KATNIP: variants seen among roughly 807,000 people sequenced by gnomAD.
KATNIP encodes the protein katanin-interacting protein.
In KATNIP, 126 loss-of-function variants were observed where a neutral mutation model predicts 174.0. The observed-to-expected ratio is 0.72, with a 90% CI of 0.63 to 0.84. The LOEUF (loss-of-function observed/expected upper bound fraction) is 0.84, where lower values mean the gene tolerates loss of function less well. Among genes scored for constraint, KATNIP ranks in the 40% least tolerant of loss-of-function variants. The pLI is 0.00. For synonymous variants in KATNIP, 810 were observed against 835.7 expected (o/e 0.97, Z 0.53); for missense variants, 1,958 against 2,109.7 (o/e 0.93, Z 1.41).
intron 5 of KATNIP, among the ~76,000 whole-genome samples, chr16:27,641,894 C>T (rs1399061155): frequency 6.6e-6 from 1 of 152,206 alleles, no homozygotes; most frequent in East Asian, 1.9e-4. Flanking sequence ...CCAGGCCGCA[C>T]CCTAGGCCCT....
At chr16:27,751,613 G>A in intron 16 of KATNIP, 106 bp from the exon 17 acceptor site, 1 of 986,060 alleles carries the variant, frequency 1.0e-6, no homozygotes, top group African/African-American at 1.6e-5. Context: ...ACCAGTTAAG[G>A]GTGTGGGGTT....
At chr16:27,626,111 C>T (rs965781480) in intron 3 of KATNIP, among the ~76,000 whole-genome samples, 1 of 152,184 alleles carries the variant, frequency 6.6e-6, no homozygotes, top group African/African-American at 2.4e-5. Context: ...CTGCCCCAGC[C>T]TCCCAAAGTG....
chr16:27,600,426 A>G (rs556122548), intron 2 of KATNIP, among the ~76,000 whole-genome samples: 2 of 152,240 alleles, frequency 1.3e-5, no homozygotes, highest in South Asian at 4.1e-4. Flanking sequence ...CGTTAGCACA[A>G]ACAGGCTTTG....
At chr16:27,732,189 G>A (rs191638314) in intron 14 of KATNIP, among the ~76,000 whole-genome samples, 92 of 152,322 alleles carry the variant, frequency 6.0e-4, no homozygotes, top group African/African-American at 2.0e-3. Flanking sequence ...TCCCATCCAC[G>A]TTTGTCATCC....
rs768073833 is a variant in KATNIP at position 27,568,710 on chromosome 16, G to GC, written c.8-5188dup. ...AATCTCTTGACCTCGTGATCTGCCCGCCCGGGCCTCCCAAAGTGCTGGGAT... is the reference window on the plus strand; with the variant it reads ...AATCTCTTGACCTCGTGATCTGCCCGCCCCGGGCCTCCCAAAGTGCTGGGAT... On this transcript the variant is annotated intron_variant, in intron 1 of 27. Coordinates refer to ENST00000261588, the MANE Select transcript of KATNIP (RefSeq NM_015202.5). Among the ~76,000 whole-genome samples, 108 of 152,136 alleles carry GC rather than the reference G, an allele frequency of 7.1e-4. 1 individual carries two copies. The highest frequency in any genetic ancestry group is 1.3e-3 in the Non-Finnish European group (88 of 67,970).
chr16:27,669,308 T>C, intron 6 of KATNIP: 1 of 985,306 alleles, frequency 1.0e-6, no homozygotes. Flanking sequence ...TCCCTCCACC[T>C]TCTCCCTGGA....
intron 6 of KATNIP, chr16:27,654,694 C>T (rs368137268): frequency 3.2e-4 from 431 of 1,351,836 alleles, no homozygotes; most frequent in Non-Finnish European, 3.9e-4. Flanking sequence ...CTTCAAGCAG[C>T]GTGGACAAAG....
intron 13 of KATNIP, among the ~76,000 whole-genome samples, chr16:27,710,033 C>T (rs1392183126): frequency 6.6e-6 from 1 of 152,152 alleles, no homozygotes; most frequent in African/African-American, 2.4e-5. Context: ...GTGAGGTGCA[C>T]ACTCCACAAA....
At chr16:27,719,206 A>AT (rs1444763652) in intron 13 of KATNIP, among the ~76,000 whole-genome samples, 1 of 152,188 alleles carries the variant, frequency 6.6e-6, no homozygotes, top group African/African-American at 2.4e-5. Flanking sequence ...CAAGGTGGAT[A>AT]TGAAGCAGTA....
rs1223982095 is a variant in KATNIP, at chr16:27,677,921, G to C, written c.733G>C (p.Glu245Gln). The C allele has an allele frequency of 6.2e-7, 1 of 1,614,102 alleles. No individual in the cohort carries two copies. The highest frequency in any genetic ancestry group is 8.5e-7 in the Non-Finnish European group (1 of 1,180,002). ...GDWTQKDVHG[E>Q]QETEGRSSPG... ...CTGGACTCAGAAAGATGTTCACGGG[G>C]AACAGGAGACAGAAGGACGCTCTTC... is the stretch of plus-strand genomic sequence containing the variant. The change falls in exon 7 of 28, where the codon GAA (glutamate) becomes CAA (glutamine). Residue 245 changes from glutamate (E) to glutamine (Q), a missense_variant. Glu to Gln is a conservative substitution (Grantham distance 29). Around this residue, in one of 3 missense-constraint regions of KATNIP, gnomAD observed 1,557 missense variants for 1,617.8 expected, o/e 0.96. Coordinates refer to ENST00000261588, the MANE Select transcript of KATNIP (RefSeq NM_015202.5).
At chr16:27,602,942 CT>C (rs1460656987) in intron 2 of KATNIP, among the ~76,000 whole-genome samples, 3 of 152,206 alleles carry the variant, frequency 2.0e-5, no homozygotes, top group African/African-American at 7.2e-5. Flanking sequence ...CAAAGTGATC[CT>C]CTCATCTCTG....
In KATNIP at chr16:27,772,891, G is replaced by GCA. The variant is rs139622729; in HGVS notation, c.4199-193_4199-192dup. On this transcript the variant is annotated intron_variant, in intron 22 of 27. Transcript: ENST00000261588. ...CATACACACACATGAACACTCACAT[G>GCA]CACACACACACACACATGCACACAC... Among the ~76,000 whole-genome samples the GCA allele has an allele frequency of 9.0e-4, 135 of 150,654 alleles. 1 individual carries two copies. Among genetic ancestry groups the GCA allele is most frequent in the Middle Eastern group, 3.4e-3 (1 of 292 alleles).
At position 27,697,079 on chromosome 16, in the gene KATNIP, C is replaced by A. The variant is rs13333800; in HGVS notation, c.941-1249C>A. Reference sequence around the variant, plus strand: ...TGTTGATGGGCATTTAGGTTGATTCCATGTCTTTGCTATTGTGAATAGTGC... The same window carrying A: ...TGTTGATGGGCATTTAGGTTGATTCAATGTCTTTGCTATTGTGAATAGTGC... On this transcript the variant is annotated intron_variant, in intron 8 of 27. Coordinates refer to ENST00000261588, the MANE Select transcript of KATNIP (RefSeq NM_015202.5). 7.9e-3 allele frequency among the ~76,000 whole-genome samples: 1,203 copies of A among 152,254 alleles called. 15 individuals are homozygous for A. The highest frequency in any genetic ancestry group is 0.028 in the African/African-American group (1,150 of 41,538).
chr16:27,572,267 T>G (rs2090332597), intron 1 of KATNIP, among the ~76,000 whole-genome samples: 1 of 151,854 alleles, frequency 6.6e-6, no homozygotes, highest in Non-Finnish European at 1.5e-5. Flanking sequence ...AAAAATTTTT[T>G]TTTTTTAAAG....
intron 1 of KATNIP, among the ~76,000 whole-genome samples, chr16:27,572,909 C>T (rs1228847182): frequency 6.6e-6 from 1 of 152,202 alleles, no homozygotes; most frequent in Non-Finnish European, 1.5e-5. Flanking sequence ...CTTGGCTCTT[C>T]CCTTTATTCA....
At chr16:27,668,738 G>A (rs1279201753) in intron 6 of KATNIP, among the ~76,000 whole-genome samples, 1 of 152,234 alleles carries the variant, frequency 6.6e-6, no homozygotes, top group Non-Finnish European at 1.5e-5. Context: ...GGGTGTGGTG[G>A]TTCATGCCTA....
At chr16:27,738,591 A>G (rs1187995253) in intron 14 of KATNIP, among the ~76,000 whole-genome samples, 1 of 152,052 alleles carries the variant, frequency 6.6e-6, no homozygotes, top group African/African-American at 2.4e-5. Flanking sequence ...GAGAGAGGAG[A>G]GCGAGGTGGG....
At chr16:27,582,795 A>G (rs1254563871) in intron 2 of KATNIP, among the ~76,000 whole-genome samples, 1 of 152,190 alleles carries the variant, frequency 6.6e-6, no homozygotes, top group Non-Finnish European at 1.5e-5. Flanking sequence ...AGTGCTTAGG[A>G]TGGAACCTGG....
intron 6 of KATNIP, among the ~76,000 whole-genome samples, chr16:27,673,835 G>A (rs1326175763): frequency 1.3e-5 from 2 of 152,194 alleles, no homozygotes; most frequent in African/African-American, 4.8e-5. Flanking sequence ...TAAGTAACTT[G>A]CTAAGGGTCC....
Sources: gnomAD v4.1 joint callset for allele counts (sites outside exome capture counted in the v4.1 genomes callset) on GRCh38, gnomAD v4.1.1 for gene constraint, gnomAD v4.1.1 regional missense constraint, MANE v1.5 for transcripts, NCBI Gene and HGNC (gene_info 2026-07-23, HGNC 2026-07-21) for gene names.